The following GCSAML variants were observed in gnomAD, a reference collection of about 807,000 sequenced individuals.
GCSAML encodes the protein germinal center associated signaling and motility like.
GCSAML carries 9 observed loss-of-function variants against 13.0 expected under a neutral mutation model. That is an observed-to-expected ratio of 0.69 (90% CI 0.42 to 1.21). GCSAML has a LOEUF of 1.21. Ranked by LOEUF, GCSAML falls within the 50% of genes most tolerant of loss-of-function variation. The pLI is 0.00. For missense variants in GCSAML, 143 were observed against 153.4 expected, an observed-to-expected ratio of 0.93 and a Z score of 0.36; for synonymous variants, 37 against 52.9, an observed-to-expected ratio of 0.70 and a Z score of 1.31.
chr1:247,572,508 G>C, intron 4 of GCSAML, among the ~76,000 whole-genome samples: 1 of 152,172 alleles, frequency 6.6e-6, no homozygotes, highest in East Asian at 1.9e-4. Context: ...TCCAGATTCT[G>C]TTTGCATGTG....
At chr1:247,539,174 T>G (rs1667324320) in intron 2 of GCSAML, among the ~76,000 whole-genome samples, 1 of 152,082 alleles carries the variant, frequency 6.6e-6, no homozygotes, top group Non-Finnish European at 1.5e-5. Flanking sequence ...ATTTATGGGA[T>G]AGAGGAGTGA....
intron 2 of GCSAML, among the ~76,000 whole-genome samples, chr1:247,561,599 A>C (rs1349145787): frequency 6.6e-6 from 1 of 151,978 alleles, no homozygotes; most frequent in Admixed American, 6.6e-5. Flanking sequence ...ATTCTCTATA[A>C]TTGTTTTCCT....
intron 4 of GCSAML, among the ~76,000 whole-genome samples, chr1:247,572,402 T>G (rs1224934230): frequency 2.0e-5 from 3 of 152,226 alleles, no homozygotes; most frequent in African/African-American, 7.2e-5. Context: ...TTGTCCTTTT[T>G]GTTGATGTTG....
chr1:247,555,205 G>A (rs1558254236), intron 1 of GCSAML, among the ~76,000 whole-genome samples: 1 of 152,134 alleles, frequency 6.6e-6, no homozygotes, highest in Non-Finnish European at 1.5e-5. Flanking sequence ...AGATGTGTAA[G>A]TCAATGAATC....
chr1:247,569,836 T>C (rs1488021099), intron 4 of GCSAML, among the ~76,000 whole-genome samples: 1 of 152,234 alleles, frequency 6.6e-6, no homozygotes, highest in Non-Finnish European at 1.5e-5. Context: ...CATCTAGTCA[T>C]GGGCTTTTTT....
chr1:247,574,580 C>A lies in GCSAML; in HGVS notation c.*198C>A, dbSNP rs1668762673. On this transcript the variant is annotated 3_prime_UTR_variant, in exon 5 of 5. Transcript: ENST00000366488. Reference sequence around the variant, plus strand: ...TTAGGTGAAATCATAGAAATTGACACAATGACCTAAAATATTCTATGTGTT... The same window carrying A: ...TTAGGTGAAATCATAGAAATTGACAAAATGACCTAAAATATTCTATGTGTT... The A allele has an allele frequency of 5.1e-6, 3 of 588,874 alleles. No homozygotes were observed. 36.5% of individuals were successfully genotyped at this position (588,874 alleles called of 1,614,324 possible).
intron 2 of GCSAML, among the ~76,000 whole-genome samples, chr1:247,537,741 C>A (rs1274017839): frequency 6.6e-6 from 1 of 152,214 alleles, no homozygotes; most frequent in African/African-American, 2.4e-5. Flanking sequence ...TTGTGTTTCC[C>A]AGCAGCTAAT....
chr1:247,511,223 T>G (rs1666025247), intron 1 of GCSAML, among the ~76,000 whole-genome samples: 1 of 152,196 alleles, frequency 6.6e-6, no homozygotes, highest in Non-Finnish European at 1.5e-5. Flanking sequence ...GCATATATAT[T>G]CAGGATACTT....
chr1:247,538,590 A>G (rs1369190051), intron 2 of GCSAML: 1 of 360,288 alleles, frequency 2.8e-6, no homozygotes, highest in African/African-American at 2.1e-5. Flanking sequence ...ATGTCATAAG[A>G]TTGGAATACT....
intron 1 of GCSAML, among the ~76,000 whole-genome samples, chr1:247,523,953 G>A (rs371882446): frequency 1.1e-4 from 16 of 150,598 alleles, no homozygotes; most frequent in African/African-American, 3.9e-4. Context: ...GAAATAAATT[G>A]TTTTGGGACA....
chr1:247,575,066 CA>C lies in GCSAML; in HGVS notation c.*687del, dbSNP rs971232411. ...CTCTTTCAACCAATTGCCAATCAGA[CA>C]AACTTTGAATCTACCTATGACCTGT... On this transcript the variant is annotated 3_prime_UTR_variant, in exon 5 of 5. Transcript: ENST00000366488. The C allele has an allele frequency of 2.0e-5, 3 of 152,422 alleles. No homozygotes were observed. The highest frequency in any genetic ancestry group is 4.4e-5 in the Non-Finnish European group (3 of 68,222). 9.4% of individuals were successfully genotyped at this position (152,422 alleles called of 1,614,324 possible).
chr1:247,554,153 C>CTTATATATGAGAGAGTAT (rs1477153054), intron 1 of GCSAML, among the ~76,000 whole-genome samples: 1 of 152,136 alleles, frequency 6.6e-6, no homozygotes, highest in Non-Finnish European at 1.5e-5. Flanking sequence ...GTATATTTGT[C>CTTATATATGAGAGAGTAT]ACTTGAAGTT....
At chr1:247,524,261 C>A (rs1035701441) in intron 1 of GCSAML, among the ~76,000 whole-genome samples, 1 of 151,644 alleles carries the variant, frequency 6.6e-6, no homozygotes, top group African/African-American at 2.4e-5. Flanking sequence ...TCACTTCCCA[C>A]CACTCTTTCC....
At chr1:247,534,468 G>T (rs890106037) in intron 2 of GCSAML, among the ~76,000 whole-genome samples, 18 of 152,212 alleles carry the variant, frequency 1.2e-4, no homozygotes, top group African/African-American at 4.3e-4. Context: ...GAGTCATGCA[G>T]AAGGGTCTGG....
In GCSAML at chr1:247,572,563, C is replaced by T. The variant is rs968333387; in HGVS notation, c.169-1580C>T. Reference sequence around the variant, plus strand: ...AGAACAGCAAAGATTGCTGCCTACTCCTTCCTCTGGAAGCTTTGTCCCAGC... The same window carrying T: ...AGAACAGCAAAGATTGCTGCCTACTTCTTCCTCTGGAAGCTTTGTCCCAGC... On this transcript the variant is annotated intron_variant, in intron 4 of 4. Transcript: ENST00000366488. Among the ~76,000 whole-genome samples, 3 of 152,314 alleles carry T rather than the reference C, an allele frequency of 2.0e-5. No homozygotes were observed. The East Asian group carries it at 5.8e-4, about 29-fold the overall frequency.
At chr1:247,571,459 A>C (rs1398079759) in intron 4 of GCSAML, among the ~76,000 whole-genome samples, 1 of 152,118 alleles carries the variant, frequency 6.6e-6, no homozygotes, top group Non-Finnish European at 1.5e-5. Context: ...TCACTTATGA[A>C]GCTTAGTTTA....
chr1:247,546,569 G>A (rs952829873), upstream of GCSAML, among the ~76,000 whole-genome samples: 1 of 151,858 alleles, frequency 6.6e-6, no homozygotes, highest in Non-Finnish European at 1.5e-5. Context: ...CACTGTGTTA[G>A]CCAGGATGGT....
At chr1:247,523,978 T>G (rs1666549777) in intron 1 of GCSAML, among the ~76,000 whole-genome samples, 1 of 144,898 alleles carries the variant, frequency 6.9e-6, no homozygotes, top group Admixed American at 7.2e-5. Flanking sequence ...ACTGAACATT[T>G]GGAAAACAAC....
intron 3 of GCSAML, among the ~76,000 whole-genome samples, chr1:247,564,294 T>C (rs2103059202): frequency 6.6e-6 from 1 of 151,128 alleles, no homozygotes; most frequent in East Asian, 2.0e-4. Flanking sequence ...ACTCCTGTAG[T>C]CCCAGCTACT....
Sources: allele counts gnomAD v4.1 joint callset (sites outside exome capture counted in the v4.1 genomes callset), GRCh38; gene constraint gnomAD v4.1.1; transcripts MANE v1.5; gene names NCBI Gene and HGNC (gene_info 2026-07-23, HGNC 2026-07-21).